The following NFIC variants were observed in gnomAD, a reference collection of about 807,000 sequenced individuals.
NFIC encodes the protein nuclear factor 1 C-type.
NFIC carries 12 observed loss-of-function variants against 54.4 expected under a neutral mutation model. The observed-to-expected ratio is 0.22, with a 90% CI of 0.14 to 0.36. The LOEUF (loss-of-function observed/expected upper bound fraction) is 0.36, where lower values mean the gene tolerates loss of function less well. Among genes scored for constraint, NFIC ranks in the 10% least tolerant of loss-of-function variants. The pLI is 1.00. For synonymous variants in NFIC, 322 were observed against 319.2 expected, an observed-to-expected ratio of 1.01 and a Z score of -0.09; for missense variants, 575 against 718.2, an observed-to-expected ratio of 0.80 and a Z score of 2.28.
At chr19:3,415,431 G>T (rs1186268834) in intron 2 of NFIC, among the ~76,000 whole-genome samples, 4 of 151,990 alleles carry the variant, frequency 2.6e-5, no homozygotes, top group Non-Finnish European at 5.9e-5. Flanking sequence ...CCAAGTGCTT[G>T]GTTCTTTCTC....
chr19:3,439,054 G>A (rs1351066701), intron 6 of NFIC, among the ~76,000 whole-genome samples: 4 of 151,872 alleles, frequency 2.6e-5, no homozygotes, highest in Non-Finnish European at 5.9e-5. Flanking sequence ...GTGACATTTG[G>A]CAGGTTCCTT....
In NFIC at chr19:3,458,832, C is replaced by T. The variant is rs1178393187; in HGVS notation, c.1509+2197C>T. On this transcript the variant is annotated intron_variant, in intron 10 of 10. Coordinates refer to ENST00000443272, the MANE Select transcript of NFIC (RefSeq NM_001245002.2). The surrounding 1 kb of genome is among the most constrained non-coding windows in gnomAD (Gnocchi z 4.1). The stretch of plus-strand genomic sequence containing the variant: ...GCCTGGGAGTCAGAACTTTCTGGAG[C>T]ACAGAAAGGAGGTGACACATTGTCA... 6.6e-6 allele frequency among the ~76,000 whole-genome samples: 1 copy of T among 151,970 alleles called. No individual in the cohort carries two copies. The highest frequency in any genetic ancestry group is 1.5e-5 in the Non-Finnish European group (1 of 67,980).
intron 9 of NFIC, 125 bp from the exon 10 acceptor site, chr19:3,456,425 C>A: frequency 2.3e-6 from 2 of 885,210 alleles, no homozygotes. Context: ...CTCGGAGGCC[C>A]CAGGCACTGG....
chr19:3,404,214 G>C (rs1366869513), intron 2 of NFIC, among the ~76,000 whole-genome samples: 92 of 8,968 alleles, frequency 0.01, 1 homozygote, highest in Non-Finnish European at 4.0e-4. Context: ...GCCTCAGCTT[G>C]GCTGCTGGGA....
At chr19:3,408,342 C>G (rs1017286391) in intron 2 of NFIC, among the ~76,000 whole-genome samples, 25 of 152,134 alleles carry the variant, frequency 1.6e-4, no homozygotes, top group African/African-American at 6.0e-4. Context: ...GCTGGGCCAC[C>G]CCTGCTGGGC....
At chr19:3,366,458 C>CGAGA (rs1181776262), upstream of NFIC, 3 of 494,720 alleles carry the variant, frequency 6.1e-6, no homozygotes, top group Non-Finnish European at 1.1e-5. Context: ...GCGGGCGGCG[C>CGAGA]GAGAGAGGGA....
chr19:3,403,863 C>G (rs897777042), intron 2 of NFIC, among the ~76,000 whole-genome samples: 6 of 152,018 alleles, frequency 3.9e-5, no homozygotes, highest in African/African-American at 1.4e-4. Context: ...ACCCGGTGCC[C>G]GACATTGGCA....
chr19:3,454,040 G>A (rs1031692777), intron 9 of NFIC, 124 bp downstream of exon 9: 42 of 1,383,188 alleles, frequency 3.0e-5, no homozygotes, highest in Non-Finnish European at 3.9e-5. Context: ...AGTTTGGTGG[G>A]TCTCCGGAAA....
intron 2 of NFIC, among the ~76,000 whole-genome samples, chr19:3,418,963 A>G (rs545811454): frequency 7.5e-4 from 114 of 152,340 alleles, no homozygotes; most frequent in African/African-American, 2.7e-3. Context: ...CAATTGAGAA[A>G]AGCCGGACAC....
chr19:3,379,386 A>C (rs2081160608), intron 1 of NFIC, among the ~76,000 whole-genome samples: 1 of 132,512 alleles, frequency 7.5e-6, no homozygotes, highest in Non-Finnish European at 1.6e-5. Flanking sequence ...ACGGAGTCTC[A>C]CTCTGTCGCC....
Position 3,416,162 on chromosome 19 carries a change from C to CA in NFIC, c.563-8928dup, listed in dbSNP as rs1228601674. Among the ~76,000 whole-genome samples the CA allele has an allele frequency of 3.0e-3, 341 of 113,208 alleles. 1 individual carries two copies. The highest frequency in any genetic ancestry group is 0.017 in the South Asian group (62 of 3,598). 74.3% of individuals were successfully genotyped at this position (113,208 alleles called of 152,430 possible). Reference sequence around the variant, plus strand: ...CGGGCCACAGAGTGAGGCCCTGTCTCAAAAAAAAAAAAAAAATCAAGACCA... The same window carrying CA: ...CGGGCCACAGAGTGAGGCCCTGTCTCAAAAAAAAAAAAAAAAATCAAGACCA... On this transcript the variant is annotated intron_variant, in intron 2 of 10. Transcript: ENST00000443272.
At chr19:3,368,913 C>CTGTG (rs59920512) in intron 1 of NFIC, among the ~76,000 whole-genome samples, 22,625 of 146,830 alleles carry the variant, frequency 0.15, 1,743 homozygotes, top group Middle Eastern at 0.24. Context: ...TGCTCTGACT[C>CTGTG]TGTGTGTGTG....
chr19:3,390,693 G>C (rs990908994), intron 2 of NFIC, among the ~76,000 whole-genome samples: 1 of 152,178 alleles, frequency 6.6e-6, no homozygotes, highest in African/African-American at 2.4e-5. Flanking sequence ...GCCTAAAAAA[G>C]GGAGGGAATC....
chr19:3,432,578 T>C (rs758569066), intron 3 of NFIC, among the ~76,000 whole-genome samples: 1 of 152,050 alleles, frequency 6.6e-6, no homozygotes, highest in African/African-American at 2.4e-5. Context: ...TTAGGGAAAC[T>C]TGGAGGCTGA....
At chr19:3,401,671 A>G (rs960951936) in intron 2 of NFIC, among the ~76,000 whole-genome samples, 1 of 151,736 alleles carries the variant, frequency 6.6e-6, no homozygotes. Context: ...GGCTCCTGCC[A>G]GGGTCCCAGC....
chr19:3,371,694 A>C (rs2081013402), intron 1 of NFIC: 1 of 152,036 alleles, frequency 6.6e-6, no homozygotes, highest in African/African-American at 2.4e-5. Context: ...CTAAACTAGT[A>C]ATTGCATTGA....
intron 2 of NFIC, among the ~76,000 whole-genome samples, chr19:3,424,392 T>C (rs2081996759): frequency 6.6e-6 from 1 of 151,498 alleles, no homozygotes; most frequent in African/African-American, 2.4e-5. Flanking sequence ...GCTATGTTGC[T>C]CAGGCTGGCC....
chr19:3,366,828 T>C (rs977284308), intron 1 of NFIC, among the ~76,000 whole-genome samples, 162 bp downstream of exon 1: 1 of 151,352 alleles, frequency 6.6e-6, no homozygotes, highest in Non-Finnish European at 1.5e-5. Context: ...GGTGGGGGGA[T>C]GGGTCAGGCT....
intron 5 of NFIC, among the ~76,000 whole-genome samples, chr19:3,434,688 A>G (rs905761312): frequency 3.3e-5 from 5 of 152,018 alleles, no homozygotes; most frequent in African/African-American, 1.2e-4. Flanking sequence ...TGTTGCTGAG[A>G]TATGCTTTGT....
Sources: allele counts gnomAD v4.1 joint callset (sites outside exome capture counted in the v4.1 genomes callset), GRCh38; gene constraint gnomAD v4.1.1; non-coding constraint Gnocchi (gnomAD v3.1); transcripts MANE v1.5; gene names NCBI Gene and HGNC (gene_info 2026-07-23, HGNC 2026-07-21).